Variants in EPS15L1 observed in about 807,000 individuals in gnomAD.
EPS15L1 encodes the protein epidermal growth factor receptor substrate 15-like 1.
A neutral mutation model predicts 117.1 loss-of-function variants in EPS15L1; 43 were observed. The ratio of observed to expected loss-of-function variants is 0.37; its 90% confidence interval spans 0.29 to 0.47. The LOEUF (loss-of-function observed/expected upper bound fraction) is 0.47. EPS15L1 is among the 20% of genes least tolerant of loss of function. The pLI, the probability that EPS15L1 is intolerant of heterozygous loss-of-function variation, is 0.99. For missense variants in EPS15L1, 981 were observed against 1,164.0 expected (o/e 0.84, Z 2.29); for synonymous variants, 459 against 470.5 (o/e 0.98, Z 0.32).
intron 22 of EPS15L1, among the ~76,000 whole-genome samples, chr19:16,376,825 G>A (rs1046634744): frequency 6.6e-6 from 1 of 152,228 alleles, no homozygotes; most frequent in African/African-American, 2.4e-5. Context: ...GGCGGAGGCC[G>A]CACGAAGCGC....
intron 13 of EPS15L1, among the ~76,000 whole-genome samples, chr19:16,409,245 A>T (rs779760130): frequency 5.9e-5 from 9 of 152,194 alleles, no homozygotes; most frequent in Non-Finnish European, 1.2e-4. Flanking sequence ...CAAATTTTTT[A>T]AAGTAAAATA....
chr19:16,403,729 G>GTACC lies in EPS15L1; in HGVS notation c.1626_1626+3dup. On this transcript the variant is annotated splice_donor_region_variant and intron_variant, in intron 15 of 23. Transcript: ENST00000455140. ...TGTGGCAGGGACCCGACTCCGTGAA[G>GTACC]TACCTGGTTGATTTCGTCTTGCGTT... The GTACC allele has an allele frequency of 1.2e-6, 2 of 1,611,464 alleles. No individual in the cohort carries two copies. The highest frequency in any genetic ancestry group is 1.7e-6 in the Non-Finnish European group (2 of 1,179,960).
intron 13 of EPS15L1, chr19:16,412,607 C>G (rs922437651): frequency 6.6e-6 from 1 of 151,906 alleles, no homozygotes; most frequent in South Asian, 2.1e-4. Flanking sequence ...GCTCAAGAGT[C>G]TGAGACCCCA....
chr19:16,416,145 T>C (rs989832888), intron 12 of EPS15L1, among the ~76,000 whole-genome samples: 15 of 152,336 alleles, frequency 9.8e-5, no homozygotes, highest in African/African-American at 2.2e-4. Flanking sequence ...GAGGAGCTGA[T>C]AGAATACTGC....
chr19:16,383,303 A>G lies in EPS15L1; in HGVS notation c.2247+1826T>C, dbSNP rs2092382906. ...CAAGGACAGGCAGAGGGCGGTCATT[A>G]GATCCCGGCCCTAGCTCAGGCTCTG... is the stretch of plus-strand genomic sequence containing the variant. On this transcript the variant is annotated intron_variant, in intron 21 of 23. Coordinates refer to ENST00000455140, the MANE Select transcript of EPS15L1 (RefSeq NM_001258374.3). The surrounding 1 kb of genome is among the most constrained non-coding windows in gnomAD (Gnocchi z 5.2). 1 of 152,208 alleles carries G rather than the reference A, an allele frequency of 6.6e-6. No homozygotes were observed. The highest frequency in any genetic ancestry group is 1.5e-5 in the Non-Finnish European group (1 of 68,040). The allele number at this position is 152,208 out of a possible 1,614,324, so 9.4% of individuals were successfully genotyped here.
At chr19:16,375,815 G>C (rs2144694595) in intron 22 of EPS15L1, among the ~76,000 whole-genome samples, 1 of 152,288 alleles carries the variant, frequency 6.6e-6, no homozygotes, top group South Asian at 2.1e-4. Flanking sequence ...CTGCGGGCTG[G>C]GTCCCCATCC....
intron 19 of EPS15L1, among the ~76,000 whole-genome samples, chr19:16,390,638 T>C (rs2092465765): frequency 6.6e-6 from 1 of 152,172 alleles, no homozygotes. Flanking sequence ...ACATACAGAA[T>C]ATGTTCTCAA....
intron 22 of EPS15L1, among the ~76,000 whole-genome samples, chr19:16,363,527 C>A (rs1014042811): frequency 6.6e-6 from 1 of 152,250 alleles, no homozygotes; most frequent in African/African-American, 2.4e-5. Flanking sequence ...CCATCCCAGG[C>A]CTCATTTTTG....
upstream of EPS15L1, chr19:16,471,976 G>T (rs1287425503): frequency 3.2e-6 from 4 of 1,267,170 alleles, no homozygotes; most frequent in Non-Finnish European, 4.0e-6. The surrounding 1 kb of genome is among the most constrained non-coding windows in gnomAD (Gnocchi z 4.8). Flanking sequence ...CGAGCGCCGG[G>T]GGAACGGGGG....
At chr19:16,440,832 T>C in intron 4 of EPS15L1, 30 bp downstream of exon 4, 4 of 1,611,944 alleles carry the variant, frequency 2.5e-6, no homozygotes, top group Non-Finnish European at 3.4e-6. Context: ...GCCCAGCCCC[T>C]CCATTTGCTC....
Position 16,405,266 on chromosome 19 carries a change from G to C in EPS15L1, c.1267-517C>G, listed in dbSNP as rs181196056. 5.7e-3 allele frequency among the ~76,000 whole-genome samples: 872 copies of C among 152,274 alleles called. 4 individuals carry two copies. Among genetic ancestry groups the C allele is most frequent in the African/African-American group, 0.019 (795 of 41,546 alleles). On this transcript the variant is annotated intron_variant, in intron 13 of 23. Transcript: ENST00000455140. The surrounding 1 kb of genome is among the most constrained non-coding windows in gnomAD (Gnocchi z 4.0). ...GGAACCACAGGGACCCCAGGGTCGG[G>C]GGGTGTCGCACTCCAGCTAGAGCAA... is the stretch of plus-strand genomic sequence containing the variant.
At chr19:16,421,513 CT>C (rs752956381) in intron 9 of EPS15L1, 37 bp from the exon 10 acceptor site, 1 of 1,590,750 alleles carries the variant, frequency 6.3e-7, no homozygotes, top group African/African-American at 1.3e-5. Flanking sequence ...AATCTGGAAG[CT>C]TTTTATGACC....
At chr19:16,413,453 C>CA (rs2092726750) in intron 13 of EPS15L1, 1 of 757,284 alleles carries the variant, frequency 1.3e-6, no homozygotes, top group Non-Finnish European at 2.2e-6. Context: ...ACCTGACTCC[C>CA]AACCTCTGGA....
intron 22 of EPS15L1, among the ~76,000 whole-genome samples, chr19:16,369,594 C>T (rs2092190772): frequency 6.6e-6 from 1 of 151,808 alleles, no homozygotes; most frequent in Admixed American, 6.6e-5. Context: ...TAACAATTTT[C>T]TAGAGGTCAC....
Position 16,471,863 on chromosome 19 carries a change from G to T in EPS15L1, c.33+50C>A. ...GCGCCTCAGCCTCGCCGCACCGCTCGCCTCGCGCCCCGCACCCCGGCGCCG... is the reference window on the plus strand; with the variant it reads ...GCGCCTCAGCCTCGCCGCACCGCTCTCCTCGCGCCCCGCACCCCGGCGCCG... On this transcript the variant is annotated intron_variant, in intron 1 of 23. Coordinates refer to ENST00000455140, the MANE Select transcript of EPS15L1 (RefSeq NM_001258374.3). The surrounding 1 kb of genome is among the most constrained non-coding windows in gnomAD (Gnocchi z 4.8). The T allele has an allele frequency of 8.7e-7, 1 of 1,156,030 alleles. No homozygotes were observed. Among genetic ancestry groups the T allele is most frequent in the East Asian group, 3.4e-5 (1 of 29,132 alleles). 71.6% of individuals were successfully genotyped at this position (1,156,030 alleles called of 1,614,324 possible).
At chr19:16,457,446 C>T (rs1010238461) in intron 1 of EPS15L1, among the ~76,000 whole-genome samples, 7 of 152,148 alleles carry the variant, frequency 4.6e-5, no homozygotes, top group Non-Finnish European at 5.9e-5. Flanking sequence ...CTCAGTCAAG[C>T]GAGGCTGTGG....
chr19:16,415,291 T>C (rs1031220143), intron 12 of EPS15L1, among the ~76,000 whole-genome samples: 1 of 152,172 alleles, frequency 6.6e-6, no homozygotes, highest in Non-Finnish European at 1.5e-5. Flanking sequence ...TCCAGAACTG[T>C]GCGAAATGTC....
chr19:16,464,859 A>G (rs147500032), intron 1 of EPS15L1, among the ~76,000 whole-genome samples: 1,828 of 152,230 alleles, frequency 0.012, 46 homozygotes, highest in African/African-American at 0.039. Context: ...CAAGGCGGGC[A>G]GATCACAAGG....
chr19:16,467,702 GA>G (rs1350337333), intron 1 of EPS15L1, among the ~76,000 whole-genome samples: 1 of 152,164 alleles, frequency 6.6e-6, no homozygotes. Flanking sequence ...AGGAAGAAAA[GA>G]AACAAGGGAC....
Sources: gnomAD v4.1 joint callset for allele counts (sites outside exome capture counted in the v4.1 genomes callset) on GRCh38, gnomAD v4.1.1 for gene constraint, Gnocchi (gnomAD v3.1) non-coding constraint, MANE v1.5 for transcripts, NCBI Gene and HGNC (gene_info 2026-07-23, HGNC 2026-07-21) for gene names.